The following ENTHD1 variants were observed in gnomAD, a reference collection of about 807,000 sequenced individuals.
ENTHD1 encodes the protein ENTH domain containing 1, also known as ENTH domain-containing protein 1.
Under a neutral mutation model 39.1 loss-of-function variants are expected in ENTHD1, and 23 were observed. That is an observed-to-expected ratio of 0.59 (90% CI 0.42 to 0.83). ENTHD1 has a LOEUF of 0.83. Among genes scored for constraint, ENTHD1 ranks in the 40% least tolerant of loss-of-function variants. ENTHD1 has a pLI of 0.00. For missense variants in ENTHD1, 624 were observed against 705.4 expected (o/e 0.88, Z 1.31); for synonymous variants, 230 against 258.2 (o/e 0.89, Z 1.05).
At chr22:39,887,354 G>A in intron 2 of ENTHD1, 46 bp downstream of exon 2, 1 of 1,512,304 alleles carries the variant, frequency 6.6e-7, no homozygotes, top group East Asian at 2.3e-5. Context: ...AGGATTACCG[G>A]TGTACACCAC....
chr22:39,743,874 T>C lies in ENTHD1; in HGVS notation c.1629A>G (p.Glu543=). 6 of 1,614,150 alleles carry C rather than the reference T, an allele frequency of 3.7e-6. No individual in the cohort carries two copies. Among genetic ancestry groups the C allele is most frequent in the Non-Finnish European group, 5.1e-6 (6 of 1,180,016 alleles). ...QSTKDFPQEP[E]AKNSISVLLR... ...AAAGAACACTAATGGAATTCTTTGC[T>C]TCAGGTTCCTGGGGGAAGTCTTTGG... The change falls in exon 7 of 7, where the codon GAA becomes GAG. Residue 543 remains glutamate, a synonymous_variant. Transcript: ENST00000325157.
intron 4 of ENTHD1, among the ~76,000 whole-genome samples, chr22:39,827,481 T>C (rs1483553472): frequency 3.3e-5 from 5 of 152,116 alleles, no homozygotes; most frequent in Non-Finnish European, 7.4e-5. Flanking sequence ...CAAATTGCTC[T>C]TAGGAATTGC....
chr22:39,887,822 A>C lies in ENTHD1; in HGVS notation c.-74T>G. ...ACAGTTTATGTCACGGGTTTATAAA[A>C]CTCTTGACAGGTAATTGGTCCCCAG... On this transcript the variant is annotated 5_prime_UTR_variant, in exon 2 of 7. Coordinates refer to ENST00000325157, the MANE Select transcript of ENTHD1 (RefSeq NM_152512.4). 1.8e-6 allele frequency: 2 copies of C among 1,112,966 alleles called. No homozygotes were observed. The highest frequency in any genetic ancestry group is 1.6e-5 in the South Asian group (1 of 61,208). The allele number at this position is 1,112,966 out of a possible 1,614,324, so 68.9% of individuals were successfully genotyped here.
rs140946730 is a variant in ENTHD1, at chr22:39,810,088, A to G, written c.832+10905T>C. Among the ~76,000 whole-genome samples the G allele has an allele frequency of 1.2e-3, 180 of 152,246 alleles. No homozygotes were observed. The East Asian group carries it at 0.026, about 22-fold the overall frequency. On this transcript the variant is annotated intron_variant, in intron 5 of 6. Coordinates refer to ENST00000325157, the MANE Select transcript of ENTHD1 (RefSeq NM_152512.4). ...CTAAGCCTAGGCCAGTTCACAGAGC[A>G]AGAACTTCTTGAGGGGAAGGTCTGA...
intron 2 of ENTHD1, among the ~76,000 whole-genome samples, chr22:39,880,583 G>C (rs370979618): frequency 2.0e-5 from 3 of 152,014 alleles, no homozygotes; most frequent in African/African-American, 4.8e-5. Context: ...AGGGGAAGAG[G>C]GTATTTGGGA....
intron 5 of ENTHD1, among the ~76,000 whole-genome samples, chr22:39,768,394 A>G (rs1267546641): frequency 1.3e-5 from 2 of 152,050 alleles, no homozygotes; most frequent in Non-Finnish European, 2.9e-5. Context: ...ATTTAGCTTC[A>G]TTCTCCATGT....
chr22:39,785,109 T>C (rs986621752), intron 5 of ENTHD1, among the ~76,000 whole-genome samples: 3 of 151,312 alleles, frequency 2.0e-5, no homozygotes, highest in Non-Finnish European at 4.4e-5. Flanking sequence ...TTAACCCCAG[T>C]TGAAGAGGAA....
At chr22:39,812,428 G>A (rs1016297810) in intron 5 of ENTHD1, among the ~76,000 whole-genome samples, 2 of 152,206 alleles carry the variant, frequency 1.3e-5, no homozygotes, top group African/African-American at 4.8e-5. Flanking sequence ...GAGGCATGTG[G>A]ATGGACTTTT....
chr22:39,873,592 G>A (rs2066261689), intron 2 of ENTHD1, among the ~76,000 whole-genome samples: 1 of 152,096 alleles, frequency 6.6e-6, no homozygotes, highest in African/African-American at 2.4e-5. Flanking sequence ...TAATATCTCT[G>A]AGCTTTGCCT....
chr22:39,799,919 G>A (rs1172540627), intron 5 of ENTHD1, among the ~76,000 whole-genome samples: 1 of 152,162 alleles, frequency 6.6e-6, no homozygotes, highest in African/African-American at 2.4e-5. Context: ...GGAGATGCAG[G>A]GGCTGTTAGG....
At chr22:39,767,976 A>G (rs1054542265) in intron 5 of ENTHD1, among the ~76,000 whole-genome samples, 6 of 152,332 alleles carry the variant, frequency 3.9e-5, no homozygotes, top group African/African-American at 1.2e-4. Flanking sequence ...TAAAGTTGCT[A>G]ACTTTTTAAA....
chr22:39,787,221 G>A (rs1202603047), intron 5 of ENTHD1, among the ~76,000 whole-genome samples: 1 of 152,130 alleles, frequency 6.6e-6, no homozygotes, highest in Admixed American at 6.6e-5. Flanking sequence ...GATAAATGCT[G>A]TGTGTGTTCT....
At chr22:39,779,249 A>G (rs139758613) in intron 5 of ENTHD1, among the ~76,000 whole-genome samples, 15,124 of 152,040 alleles carry the variant, frequency 0.099, 876 homozygotes, top group Middle Eastern at 0.13. Flanking sequence ...CCCGGGAGGC[A>G]AAGGTTGCAG....
At chr22:39,816,889 A>G (rs1405570491) in intron 5 of ENTHD1, among the ~76,000 whole-genome samples, 1 of 151,954 alleles carries the variant, frequency 6.6e-6, no homozygotes, top group East Asian at 1.9e-4. Context: ...AGAAAGAATC[A>G]GATATCTATG....
At chr22:39,834,568 T>C (rs1318898915) in intron 4 of ENTHD1, among the ~76,000 whole-genome samples, 1 of 152,058 alleles carries the variant, frequency 6.6e-6, no homozygotes, top group Non-Finnish European at 1.5e-5. Flanking sequence ...CTCTGGAAAA[T>C]AGTTTGACTA....
intron 6 of ENTHD1, among the ~76,000 whole-genome samples, chr22:39,744,932 AG>A (rs766848978): frequency 5.3e-5 from 8 of 152,194 alleles, no homozygotes; most frequent in Non-Finnish European, 7.3e-5. Context: ...TATTTGGGAA[AG>A]TTTTTACTTC....
chr22:39,766,019 C>CAAAAATAAA (rs2065273971), intron 5 of ENTHD1, among the ~76,000 whole-genome samples: 1 of 48,340 alleles, frequency 2.1e-5, no homozygotes, highest in Non-Finnish European at 3.7e-5. Flanking sequence ...CCCTCAGCTA[C>CAAAAATAAA]AAAAAAAAAA....
chr22:39,764,489 A>T (rs1180660470), intron 6 of ENTHD1, among the ~76,000 whole-genome samples: 1 of 152,166 alleles, frequency 6.6e-6, no homozygotes, highest in Non-Finnish European at 1.5e-5. Context: ...ACATTTAAAA[A>T]GCTTTATATT....
intron 5 of ENTHD1, among the ~76,000 whole-genome samples, chr22:39,789,443 G>C (rs982159975): frequency 6.6e-6 from 1 of 152,016 alleles, no homozygotes. Flanking sequence ...GGCCATCACT[G>C]ATGTTTTAAT....
Sources: gnomAD v4.1 joint callset for allele counts (sites outside exome capture counted in the v4.1 genomes callset) on GRCh38, gnomAD v4.1.1 for gene constraint, MANE v1.5 for transcripts, NCBI Gene and HGNC (gene_info 2026-07-23, HGNC 2026-07-21) for gene names.